Variants in DCP1B observed in about 807,000 individuals in gnomAD.
The protein encoded by DCP1B is mRNA-decapping enzyme 1B.
Under a neutral mutation model 60.5 loss-of-function variants are expected in DCP1B, and 47 were observed. The observed-to-expected ratio is 0.78, with a 90% confidence interval of 0.61 to 0.99. DCP1B has a LOEUF of 0.99. Among genes scored for constraint, DCP1B ranks in the 50% least tolerant of loss-of-function variants. DCP1B has a pLI of 0.00. For missense variants in DCP1B, 725 were observed against 756.8 expected (o/e 0.96, Z 0.49); for synonymous variants, 267 against 280.3 (o/e 0.95, Z 0.47).
chr12:1,985,726 T>C (rs1395420310), intron 3 of DCP1B, among the ~76,000 whole-genome samples: 1 of 152,218 alleles, frequency 6.6e-6, no homozygotes, highest in African/African-American at 2.4e-5. Flanking sequence ...CTTTGTATAT[T>C]TGAGAAAGCA....
chr12:1,999,410 A>T (rs953073962), intron 1 of DCP1B, among the ~76,000 whole-genome samples: 3 of 152,246 alleles, frequency 2.0e-5, no homozygotes, highest in African/African-American at 7.2e-5. Context: ...TGGAATATGA[A>T]ATTATAAATA....
At chr12:1,986,637 TAGAA>T in intron 3 of DCP1B, among the ~76,000 whole-genome samples, 1 of 146,890 alleles carries the variant, frequency 6.8e-6, no homozygotes, top group South Asian at 2.1e-4. Context: ...GGGAAGTTTT[TAGAA>T]AGAGGAGTTT....
At chr12:1,943,768 T>C (rs7301261), downstream of DCP1B, among the ~76,000 whole-genome samples, 77,446 of 151,988 alleles carry the variant, frequency 0.51, 20,039 homozygotes, top group East Asian at 0.73. Flanking sequence ...CTCAATAAAC[T>C]AGGTATTGAT....
intron 7 of DCP1B, chr12:1,950,108 T>TC: frequency 1.9e-6 from 1 of 533,120 alleles, no homozygotes; most frequent in South Asian, 3.0e-5. Flanking sequence ...TTTATCAGCC[T>TC]CCGAACTCCC....
rs150430683 is a variant in DCP1B at position 2,004,407 on chromosome 12, G to C, written c.25C>G (p.Leu9Val). The C allele has an allele frequency of 1.9e-6, 3 of 1,611,354 alleles. No homozygotes were observed. The highest frequency in any genetic ancestry group is 4.5e-5 in the East Asian group (2 of 44,814). ...CTGATGTCGCGCCCCTTTCCCACCA[G>C]GCCGCCTGCCGCCACGGCTGCCATC... MAAVAAGG[L>V]VGKGRDISLA... Residue 9 changes from leucine to valine, a missense_variant, in exon 1 of 9, where the codon CTG (leucine) becomes GTG (valine). Physicochemically the swap from Leu to Val is conservative, Grantham distance 32 (BLOSUM62 1). Coordinates refer to ENST00000280665, the MANE Select transcript of DCP1B (RefSeq NM_152640.5).
chr12:1,992,912 G>T, intron 3 of DCP1B: 1 of 535,408 alleles, frequency 1.9e-6, no homozygotes, highest in Non-Finnish European at 3.3e-6. Context: ...TTAATTCTTC[G>T]TTCAGGGAGC....
At chr12:1,949,504 A>G (rs1046520219) in intron 7 of DCP1B, among the ~76,000 whole-genome samples, 170 bp from the exon 8 acceptor site, 8 of 152,212 alleles carry the variant, frequency 5.3e-5, no homozygotes, top group African/African-American at 1.9e-4. Context: ...ACCTTCCTTC[A>G]GCATCACTGA....
At chr12:1,997,219 A>G (rs553929725) in intron 2 of DCP1B, among the ~76,000 whole-genome samples, 19 of 152,174 alleles carry the variant, frequency 1.2e-4, no homozygotes, top group Non-Finnish European at 2.8e-4. Flanking sequence ...TTTTTTAAAG[A>G]GTCAGGGGTG....
chr12:1,993,646 GTGTGTGTGTGTA>G (rs1210797921), intron 2 of DCP1B, among the ~76,000 whole-genome samples: 16 of 149,204 alleles, frequency 1.1e-4, no homozygotes. Context: ...GTGTGTGTGT[GTGTGTGTGTGTA>G]TACAGATGTT....
rs189188032 is a variant in DCP1B, at chr12:1,984,199, T to C, written c.319+9065A>G. The stretch of plus-strand genomic sequence containing the variant: ...AATCCAATCTGGCAATCTCTTTTAA[T>C]CACTATGTTAGCCCATTTACATGTA... On this transcript the variant is annotated intron_variant, in intron 3 of 8. Coordinates refer to ENST00000280665, the MANE Select transcript of DCP1B (RefSeq NM_152640.5). Among the ~76,000 whole-genome samples the C allele has an allele frequency of 2.4e-3, 367 of 152,222 alleles. 2 individuals are homozygous for C. Among genetic ancestry groups the C allele is most frequent in the African/African-American group, 8.6e-3 (357 of 41,574 alleles).
At chr12:1,988,185 C>T (rs1252380787) in intron 3 of DCP1B, among the ~76,000 whole-genome samples, 2 of 152,150 alleles carry the variant, frequency 1.3e-5, no homozygotes, top group Non-Finnish European at 2.9e-5. Flanking sequence ...TACAATGACA[C>T]AGGTTTATTT....
At chr12:1,947,028 T>C (rs1028893378) in intron 8 of DCP1B, among the ~76,000 whole-genome samples, 2 of 152,196 alleles carry the variant, frequency 1.3e-5, no homozygotes, top group Non-Finnish European at 2.9e-5. Flanking sequence ...TGTGTCTGCT[T>C]TGTTTTGGGC....
chr12:1,958,400 G>A (rs2030979379), intron 5 of DCP1B, among the ~76,000 whole-genome samples: 1 of 138,504 alleles, frequency 7.2e-6, no homozygotes. Flanking sequence ...ACGTCGCTCT[G>A]GGCAATGGCT....
chr12:1,976,224 T>A (rs976670498), intron 3 of DCP1B, among the ~76,000 whole-genome samples: 31 of 152,206 alleles, frequency 2.0e-4, no homozygotes, highest in Non-Finnish European at 4.4e-5. Flanking sequence ...AGTAGACGTA[T>A]AACCCTTTAT....
At chr12:1,958,587 G>A (rs1184507923) in intron 5 of DCP1B, among the ~76,000 whole-genome samples, 7 of 149,644 alleles carry the variant, frequency 4.7e-5, no homozygotes, top group African/African-American at 1.5e-4. Context: ...GCTCCCTAAC[G>A]TCGCTCTGGG....
chr12:1,973,021 T>C (rs1472028767), intron 3 of DCP1B, among the ~76,000 whole-genome samples: 1 of 152,204 alleles, frequency 6.6e-6, no homozygotes, highest in Non-Finnish European at 1.5e-5. Flanking sequence ...TCTTCCCCAT[T>C]TGGAATGTTT....
Position 1,997,922 on chromosome 12 carries a change from G to T in DCP1B, c.191+13C>A. ...TGAAGATTAGTTTCTTTATAAAAGT[G>T]AAACACTCTTACCTTGTATAAACAA... On this transcript the variant is annotated intron_variant, in intron 2 of 8. Coordinates refer to ENST00000280665, the MANE Select transcript of DCP1B (RefSeq NM_152640.5). 1 of 1,595,574 alleles carries T rather than the reference G, an allele frequency of 6.3e-7. No individual in the cohort carries two copies. The highest frequency in any genetic ancestry group is 1.1e-5 in the South Asian group (1 of 87,070).
At chr12:1,956,701 A>C (rs2154456771) in intron 5 of DCP1B, among the ~76,000 whole-genome samples, 1 of 152,358 alleles carries the variant, frequency 6.6e-6, no homozygotes, top group Non-Finnish European at 1.5e-5. Context: ...GGCATGGACC[A>C]ACTGGCATGG....
chr12:1,943,644 C>T (rs1046589711), downstream of DCP1B, among the ~76,000 whole-genome samples: 8 of 152,090 alleles, frequency 5.3e-5, no homozygotes, highest in South Asian at 2.1e-4. Context: ...CATACACAAA[C>T]CAATAAACGT....
Sources: gnomAD v4.1 joint callset for allele counts (sites outside exome capture counted in the v4.1 genomes callset) on GRCh38, gnomAD v4.1.1 for gene constraint, MANE v1.5 for transcripts, NCBI Gene and HGNC (gene_info 2026-07-23, HGNC 2026-07-21) for gene names.